Variants in CNNM2 observed in about 807,000 individuals in gnomAD.
CNNM2 encodes metal transporter CNNM2.
In CNNM2, 12 loss-of-function variants were observed where a neutral mutation model predicts 66.9. The observed-to-expected ratio is 0.18, with a 90% CI of 0.11 to 0.29. The LOEUF (loss-of-function observed/expected upper bound fraction) is 0.29, where lower values mean the gene tolerates loss of function less well. Ranked by LOEUF, CNNM2 falls within the 10% of genes least tolerant of loss-of-function variation. The probability of loss-of-function intolerance (pLI) is 1.00; values close to 1 mark genes in which losing one functional copy is unlikely to be tolerated. For missense variants in CNNM2, 705 were observed against 1,167.7 expected, an observed-to-expected ratio of 0.60 and a Z score of 5.77; for synonymous variants, 557 against 501.8, an observed-to-expected ratio of 1.11 and a Z score of -1.47.
intron 1 of CNNM2, among the ~76,000 whole-genome samples, chr10:102,977,022 G>C (rs887175473): frequency 1.3e-5 from 2 of 152,078 alleles, no homozygotes; most frequent in African/African-American, 4.8e-5. Flanking sequence ...GTCAAGTTGG[G>C]TATTGGGTAC....
At chr10:103,063,614 A>G (rs1305601274) in intron 4 of CNNM2, among the ~76,000 whole-genome samples, 1 of 152,208 alleles carries the variant, frequency 6.6e-6, no homozygotes, top group Non-Finnish European at 1.5e-5. Context: ...AGGTTATCTG[A>G]TACCTTTGTC....
At chr10:102,920,641 T>C (rs1303278842) in intron 1 of CNNM2, among the ~76,000 whole-genome samples, 1 of 152,160 alleles carries the variant, frequency 6.6e-6, no homozygotes. Flanking sequence ...GCCTGGCAAC[T>C]TGTGGGGAAG....
chr10:103,071,893 C>G (rs1413109409), intron 6 of CNNM2, 54 bp downstream of exon 6: 3 of 1,517,904 alleles, frequency 2.0e-6, no homozygotes, highest in East Asian at 2.3e-5. Flanking sequence ...CCTTGCCCCC[C>G]ATCACGCCTG....
intron 1 of CNNM2, among the ~76,000 whole-genome samples, chr10:102,974,683 A>G (rs1017719004): frequency 1.3e-5 from 2 of 151,924 alleles, no homozygotes; most frequent in African/African-American, 4.8e-5. Flanking sequence ...GTGGGTACAC[A>G]CTACTGTGCC....
chr10:103,064,388 GT>G (rs71019653), intron 4 of CNNM2, among the ~76,000 whole-genome samples: 1 of 151,836 alleles, frequency 6.6e-6, no homozygotes, highest in Non-Finnish European at 1.5e-5. Flanking sequence ...GTAGATAGCT[GT>G]TTTTTTTGTT....
chr10:103,006,453 G>A (rs1011209079), intron 1 of CNNM2, among the ~76,000 whole-genome samples: 2 of 151,916 alleles, frequency 1.3e-5, no homozygotes, highest in African/African-American at 4.8e-5. Flanking sequence ...TGATCCACCC[G>A]CCTCAGCCTC....
At chr10:103,071,054 C>G (rs2065571233) in intron 5 of CNNM2, among the ~76,000 whole-genome samples, 1 of 152,156 alleles carries the variant, frequency 6.6e-6, no homozygotes. Context: ...ACAGTTAGTA[C>G]AGATATCACA....
intron 1 of CNNM2, among the ~76,000 whole-genome samples, chr10:103,042,029 T>G (rs537418778): frequency 6.6e-6 from 1 of 152,346 alleles, no homozygotes; most frequent in Admixed American, 6.5e-5. Flanking sequence ...CTGACATTTC[T>G]ACTAGGATGT....
chr10:103,042,183 A>G (rs888104558), intron 1 of CNNM2, among the ~76,000 whole-genome samples: 15 of 152,174 alleles, frequency 9.9e-5, no homozygotes, highest in African/African-American at 3.6e-4. Context: ...TCCACCCGCT[A>G]TCCAGTCCAT....
chr10:103,037,509 C>G (rs1194196141), intron 1 of CNNM2, among the ~76,000 whole-genome samples: 1 of 151,836 alleles, frequency 6.6e-6, no homozygotes, highest in Admixed American at 6.6e-5. Context: ...AATATAAAAA[C>G]GTTTTGTAAA....
intron 1 of CNNM2, among the ~76,000 whole-genome samples, chr10:102,932,251 A>C (rs971320268): frequency 6.7e-6 from 1 of 149,352 alleles, no homozygotes; most frequent in African/African-American, 2.5e-5. Context: ...GGGTTTTGCT[A>C]TGTGCCTAGG....
chr10:102,918,787 C>A lies in CNNM2; in HGVS notation c.307C>A (p.Leu103Met). The A allele has an allele frequency of 6.2e-7, 1 of 1,600,020 alleles. No individual in the cohort carries two copies. The highest frequency in any genetic ancestry group is 1.1e-5 in the South Asian group (1 of 88,746). Residue 103 changes from leucine (L) to methionine (M), a missense_variant, in exon 1 of 8, where the codon CTG becomes ATG. Leu to Met is a conservative substitution (Grantham distance 15). Coordinates refer to ENST00000369878, the MANE Select transcript of CNNM2 (RefSeq NM_017649.5). The surrounding 1 kb of genome is among the most constrained non-coding windows in gnomAD (Gnocchi z 4.1). ...GGTGAGCGAACGGACCCGGGTCAAG[C>A]TGCGGGTGTACGGGCAGAACATCAA... ...LRVSERTRVKLRVYGQNINNE... is the reference protein window; with the variant it reads ...LRVSERTRVKMRVYGQNINNE...
At chr10:103,017,963 C>CAAAAAAAAAAAAAAAAAAAAAAA (rs59984156) in intron 1 of CNNM2, among the ~76,000 whole-genome samples, 4 of 78,882 alleles carry the variant, frequency 5.1e-5, no homozygotes, top group Admixed American at 1.4e-4. Flanking sequence ...GAATCTGTCT[C>CAAAAAAAAAAAAAAAAAAAAAAA]AAAAAAAAAA....
chr10:102,942,626 G>A (rs1417068451), intron 1 of CNNM2, among the ~76,000 whole-genome samples: 7 of 152,202 alleles, frequency 4.6e-5, no homozygotes, highest in African/African-American at 1.4e-4. Context: ...GAACATGGGT[G>A]TGAAAACATC....
At chr10:102,984,109 A>G (rs1180812151) in intron 1 of CNNM2, among the ~76,000 whole-genome samples, 1 of 152,182 alleles carries the variant, frequency 6.6e-6, no homozygotes, top group Non-Finnish European at 1.5e-5. Flanking sequence ...TTCAGTAAAT[A>G]TTTTTTGAAA....
chr10:102,933,900 T>C (rs1448434169), intron 1 of CNNM2, among the ~76,000 whole-genome samples: 1 of 152,102 alleles, frequency 6.6e-6, no homozygotes, highest in Non-Finnish European at 1.5e-5. Flanking sequence ...AGTGGTACAG[T>C]CATAACTCAC....
rs7089065 is a variant in CNNM2, at chr10:102,963,265, C to T, written c.1621+43164C>T. ...TTAAAAATGGAAAAAGGACAAACTT[C>T]CCTGTCCTTGACTTCTTCCCCTTCA... On this transcript the variant is annotated intron_variant, in intron 1 of 7. Transcript: ENST00000369878. Among the ~76,000 whole-genome samples, 47,401 of 151,892 alleles carry T rather than the reference C, an allele frequency of 0.31. 7,477 individuals carry two copies. Among genetic ancestry groups the T allele is most frequent in the Middle Eastern group, 0.37 (109 of 294 alleles).
chr10:103,005,117 G>T (rs1174710643), intron 1 of CNNM2, among the ~76,000 whole-genome samples: 1 of 151,870 alleles, frequency 6.6e-6, no homozygotes, highest in Non-Finnish European at 1.5e-5. Flanking sequence ...GTTTTTCCCT[G>T]TTGGCCAGGC....
At chr10:103,015,644 G>A (rs1005817266) in intron 1 of CNNM2, among the ~76,000 whole-genome samples, 4 of 151,960 alleles carry the variant, frequency 2.6e-5, no homozygotes, top group Admixed American at 6.6e-5. Flanking sequence ...ACTTGACATC[G>A]GGAGTTCGAG....
Sources: allele counts gnomAD v4.1 joint callset (sites outside exome capture counted in the v4.1 genomes callset), GRCh38; gene constraint gnomAD v4.1.1; non-coding constraint Gnocchi (gnomAD v3.1); transcripts MANE v1.5; gene names NCBI Gene and HGNC (gene_info 2026-07-23, HGNC 2026-07-21).